Variants in MCTP1 observed in about 807,000 individuals in gnomAD.
MCTP1 encodes the protein multiple C2 and transmembrane domain containing 1.
MCTP1 carries 69 observed loss-of-function variants against 120.6 expected under a neutral mutation model. That is an observed-to-expected ratio of 0.57 (90% CI 0.47 to 0.70). The LOEUF is 0.70. Ranked by LOEUF, MCTP1 falls within the 30% of genes least tolerant of loss-of-function variation. MCTP1 has a pLI of 0.00. For synonymous variants in MCTP1, 529 were observed against 493.1 expected (o/e 1.07, Z -0.96); for missense variants, 1,203 against 1,248.8 (o/e 0.96, Z 0.55).
chr5:95,039,582 C>G (rs1243972515), intron 1 of MCTP1, among the ~76,000 whole-genome samples: 1 of 152,074 alleles, frequency 6.6e-6, no homozygotes, highest in East Asian at 1.9e-4. Context: ...TCTAAAATAT[C>G]TGTACCACAG....
At chr5:95,241,949 G>T (rs532673586) in intron 1 of MCTP1, among the ~76,000 whole-genome samples, 3 of 152,118 alleles carry the variant, frequency 2.0e-5, no homozygotes, top group Admixed American at 2.0e-4. Flanking sequence ...AGTGAAAATA[G>T]GCAAAGAAAA....
At chr5:95,167,732 C>A (rs573735189) in intron 1 of MCTP1, among the ~76,000 whole-genome samples, 17 of 152,268 alleles carry the variant, frequency 1.1e-4, no homozygotes, top group African/African-American at 3.9e-4. Flanking sequence ...TGTTCATATC[C>A]TTTGCCCACT....
rs896550238 is a variant in MCTP1 at position 95,284,485 on chromosome 5, C to T, written c.91G>A (p.Gly31Arg). The T allele has an allele frequency of 1.3e-6, 2 of 1,513,394 alleles. No homozygotes were observed. Among genetic ancestry groups the T allele is most frequent in the South Asian group, 1.2e-5 (1 of 81,726 alleles). The allele number at this position is 1,513,394 out of a possible 1,614,324, so 93.7% of individuals were successfully genotyped here. Reference protein sequence around the residue: ...QARLWKNLQLGVGRSKGGGGG... With the variant: ...QARLWKNLQLRVGRSKGGGGG... ...CCGCCGCCCTTGCTCCTGCCCACCC[C>T]CAGCTGCAGGTTCTTCCAGAGCCGG... Residue 31 changes from glycine (G) to arginine (R), a missense_variant, in exon 1 of 23, where the codon GGG becomes AGG. Physicochemically the swap from Gly to Arg is moderately radical, Grantham distance 125 (BLOSUM62 -2). Around this residue, in one of 2 missense-constraint regions of MCTP1, gnomAD observed 463 missense variants for 377.8 expected, o/e 1.23. Transcript: ENST00000515393. This position sits in a 1 kb window ranked among gnomAD's most constrained non-coding sequence, Gnocchi z 5.2.
At chr5:94,998,455 C>A (rs931828476) in intron 2 of MCTP1, among the ~76,000 whole-genome samples, 13 of 152,268 alleles carry the variant, frequency 8.5e-5, no homozygotes, top group Non-Finnish European at 1.8e-4. Flanking sequence ...AGGCAGAAAC[C>A]CATTCTAGGA....
At chr5:94,847,427 A>T (rs1792640520) in intron 17 of MCTP1, among the ~76,000 whole-genome samples, 2 of 151,998 alleles carry the variant, frequency 1.3e-5, no homozygotes, top group Non-Finnish European at 2.9e-5. Context: ...GTATTTCTAC[A>T]TCTCCCGAGA....
intron 1 of MCTP1, among the ~76,000 whole-genome samples, chr5:95,050,944 A>G (rs889784717): frequency 7.2e-5 from 11 of 152,176 alleles, no homozygotes; most frequent in Non-Finnish European, 1.5e-5. Flanking sequence ...TACCACGTGT[A>G]GGTTGGAGTT....
At chr5:95,105,592 C>T (rs1757026434) in intron 1 of MCTP1, among the ~76,000 whole-genome samples, 1 of 152,028 alleles carries the variant, frequency 6.6e-6, no homozygotes, top group East Asian at 1.9e-4. Context: ...GATATCACAT[C>T]TCTGTACCAT....
rs193076217 is a variant in MCTP1 at position 94,706,602 on chromosome 5, T to G, written c.*894A>C. Reference sequence around the variant, plus strand: ...GGTTTTTTTTTTCTCTGAGAGCACTTGAGTATTTATTAAAATATTTTTAGA... The same window carrying G: ...GGTTTTTTTTTTCTCTGAGAGCACTGGAGTATTTATTAAAATATTTTTAGA... On this transcript the variant is annotated 3_prime_UTR_variant, in exon 23 of 23. Transcript: ENST00000515393. 9 of 149,210 alleles carry G rather than the reference T, an allele frequency of 6.0e-5. No individual in the cohort carries two copies. The East Asian group carries it at 1.6e-3, about 27-fold the overall frequency. The allele number at this position is 149,210 out of a possible 1,614,324, so 9.2% of individuals were successfully genotyped here.
chr5:95,050,285 C>T (rs1030647316), intron 1 of MCTP1, among the ~76,000 whole-genome samples: 5 of 151,876 alleles, frequency 3.3e-5, no homozygotes, highest in Admixed American at 6.6e-5. Flanking sequence ...ATAAATAAAA[C>T]GTTTTTGTGT....
intron 1 of MCTP1, among the ~76,000 whole-genome samples, chr5:95,246,090 T>C (rs1756746432): frequency 6.6e-6 from 1 of 152,010 alleles, no homozygotes; most frequent in Non-Finnish European, 1.5e-5. Flanking sequence ...GCTTCCTAAG[T>C]GAAGGAGAAA....
At chr5:94,784,873 ATTC>A (rs896274827) in intron 18 of MCTP1, 8 of 152,112 alleles carry the variant, frequency 5.3e-5, no homozygotes, top group Non-Finnish European at 1.0e-4. Flanking sequence ...AAATACAATT[ATTC>A]TTCTCACAAA....
chr5:95,136,008 T>C (rs915442148), intron 1 of MCTP1, among the ~76,000 whole-genome samples: 4 of 152,366 alleles, frequency 2.6e-5, no homozygotes, highest in African/African-American at 9.6e-5. Context: ...GATTTCAATA[T>C]AATTGAAGTA....
At chr5:94,795,227 C>T (rs977056657) in intron 18 of MCTP1, among the ~76,000 whole-genome samples, 1 of 120,986 alleles carries the variant, frequency 8.3e-6, no homozygotes, top group African/African-American at 3.2e-5. Flanking sequence ...TATTCCTTTG[C>T]TTACAACTGA....
At chr5:94,754,918 A>C (rs1769398204) in intron 19 of MCTP1, among the ~76,000 whole-genome samples, 1 of 151,810 alleles carries the variant, frequency 6.6e-6, no homozygotes, top group Non-Finnish European at 1.5e-5. Context: ...ACCTGTCTTT[A>C]TGTTCTTTCT....
At chr5:95,249,400 T>A (rs1179278207) in intron 1 of MCTP1, among the ~76,000 whole-genome samples, 2 of 151,966 alleles carry the variant, frequency 1.3e-5, no homozygotes, top group Non-Finnish European at 2.9e-5. Flanking sequence ...AAAAAACATA[T>A]GAAAAAATGC....
chr5:94,855,503 G>A (rs1415134584), intron 17 of MCTP1, among the ~76,000 whole-genome samples: 1 of 151,768 alleles, frequency 6.6e-6, no homozygotes, highest in Admixed American at 6.6e-5. Context: ...GGTAACTTCA[G>A]TCTGCTAGTT....
intron 1 of MCTP1, among the ~76,000 whole-genome samples, chr5:95,171,072 T>C (rs1747210343): frequency 6.6e-6 from 1 of 152,208 alleles, no homozygotes; most frequent in Non-Finnish European, 1.5e-5. Context: ...CCATGTTTAG[T>C]GCTTATTTCA....
chr5:94,940,064 T>G lies in MCTP1; in HGVS notation c.1173+20A>C. ...CTTTCAAACAAGAAAGAGCTCCTAC[T>G]AGGCTGTGGGGGAACTTACCACATC... On this transcript the variant is annotated intron_variant, in intron 5 of 22. Coordinates refer to ENST00000515393, the MANE Select transcript of MCTP1 (RefSeq NM_024717.7). 1 of 1,418,602 alleles carries G rather than the reference T, an allele frequency of 7.0e-7. No individual in the cohort carries two copies. Among genetic ancestry groups the G allele is most frequent in the Non-Finnish European group, 9.9e-7 (1 of 1,012,578 alleles). The allele number at this position is 1,418,602 out of a possible 1,614,324, so 87.9% of individuals were successfully genotyped here. A position where few individuals can be genotyped will look rare whatever the true frequency, so the allele number is the denominator to read the frequency against.
chr5:95,111,147 T>A (rs1159638623), intron 1 of MCTP1, among the ~76,000 whole-genome samples: 1 of 152,206 alleles, frequency 6.6e-6, no homozygotes, highest in African/African-American at 2.4e-5. Flanking sequence ...TCCTTTTTGA[T>A]TCAATAATGC....
Sources: gnomAD v4.1 joint callset for allele counts (sites outside exome capture counted in the v4.1 genomes callset) on GRCh38, gnomAD v4.1.1 for gene constraint, gnomAD v4.1.1 regional missense constraint, Gnocchi (gnomAD v3.1) non-coding constraint, MANE v1.5 for transcripts, NCBI Gene and HGNC (gene_info 2026-07-23, HGNC 2026-07-21) for gene names.